Variants in ATP10A observed in about 807,000 individuals in gnomAD.
ATP10A encodes phospholipid-transporting ATPase VA.
Under a neutral mutation model 147.8 loss-of-function variants are expected in ATP10A, and 111 were observed. The ratio of observed to expected loss-of-function variants is 0.75; its 90% confidence interval spans 0.64 to 0.88. The LOEUF (loss-of-function observed/expected upper bound fraction) is 0.88, where lower values mean the gene tolerates loss of function less well. ATP10A is among the 40% of genes least tolerant of loss of function. The pLI is 0.00. For missense variants in ATP10A, 1,927 were observed against 1,959.0 expected, an observed-to-expected ratio of 0.98 and a Z score of 0.31; for synonymous variants, 875 against 841.6, an observed-to-expected ratio of 1.04 and a Z score of -0.69.
chr15:25,675,511 G>T (rs1308503459), downstream of ATP10A, among the ~76,000 whole-genome samples: 3 of 151,546 alleles, frequency 2.0e-5, no homozygotes, highest in Non-Finnish European at 4.4e-5. Flanking sequence ...CAGGGCCCGT[G>T]TAACAGCAGC....
chr15:25,683,815 G>A (rs1899559805), intron 16 of ATP10A: 1 of 346,054 alleles, frequency 2.9e-6, no homozygotes, highest in Non-Finnish European at 5.4e-6. Context: ...AGGTTTCACA[G>A]GGGTGTAGGG....
intron 15 of ATP10A, chr15:25,688,130 A>G: frequency 2.5e-6 from 1 of 401,238 alleles, no homozygotes; most frequent in South Asian, 2.4e-5. Context: ...TGTTTTCTCA[A>G]CAAATGAAAA....
chr15:25,718,228 T>C lies in ATP10A; in HGVS notation c.1535A>G (p.Lys512Arg). Residue 512 changes from lysine to arginine, a missense_variant, in exon 8 of 21, where the codon AAG (lysine) becomes AGG (arginine). By Grantham distance (26) the Lys-to-Arg change is conservative (BLOSUM62 2). Transcript: ENST00000555815. ...GTGCTTGGACAGCATGCTGGCCCTCTTGGCCTCGGCCCGGCTGCCCGTGCG... is the reference window on the plus strand; with the variant it reads ...GTGCTTGGACAGCATGCTGGCCCTCCTGGCCTCGGCCCGGCTGCCCGTGCG... ...HRRTGSRAEA[K>R]RASMLSKHTA... The C allele has an allele frequency of 6.2e-7, 1 of 1,613,116 alleles. No individual in the cohort carries two copies. Among genetic ancestry groups the C allele is most frequent in the Non-Finnish European group, 8.5e-7 (1 of 1,180,004 alleles).
At chr15:25,819,500 G>T (rs1264201686) in intron 1 of ATP10A, among the ~76,000 whole-genome samples, 1 of 151,930 alleles carries the variant, frequency 6.6e-6, no homozygotes, top group African/African-American at 2.4e-5. Context: ...ACAAATCTAT[G>T]GAAAACAATA....
intron 2 of ATP10A, among the ~76,000 whole-genome samples, chr15:25,766,235 CAT>C (rs1596843762): frequency 1.3e-5 from 2 of 152,192 alleles, no homozygotes; most frequent in East Asian, 3.9e-4. Context: ...GTTCCCACAA[CAT>C]GTGGGAATTC....
At chr15:25,799,525 C>CA (rs1266784110) in intron 1 of ATP10A, among the ~76,000 whole-genome samples, 3 of 152,002 alleles carry the variant, frequency 2.0e-5, no homozygotes, top group Non-Finnish European at 2.9e-5. Context: ...AACAAACAGA[C>CA]AAAAAAACAA....
At chr15:25,685,365 G>A (rs538764531) in intron 16 of ATP10A, among the ~76,000 whole-genome samples, 62 of 152,250 alleles carry the variant, frequency 4.1e-4, no homozygotes, top group Non-Finnish European at 7.4e-4. Flanking sequence ...GGGACTCATC[G>A]CAGCAGGCAG....
intron 1 of ATP10A, among the ~76,000 whole-genome samples, chr15:25,835,010 C>G (rs1408781686): frequency 1.3e-5 from 2 of 152,166 alleles, no homozygotes; most frequent in African/African-American, 4.8e-5. Flanking sequence ...CACCTGTAAT[C>G]CCAGCACTTT....
At chr15:25,843,055 C>T (rs181386266) in intron 1 of ATP10A, among the ~76,000 whole-genome samples, 4 of 152,294 alleles carry the variant, frequency 2.6e-5, no homozygotes, top group African/African-American at 9.6e-5. Context: ...GATCACCCTC[C>T]ATTATCCAGA....
At chr15:25,738,587 A>G (rs923095577) in intron 2 of ATP10A, 1 of 152,194 alleles carries the variant, frequency 6.6e-6, no homozygotes, top group Non-Finnish European at 1.5e-5. Flanking sequence ...TGGATGGGAG[A>G]CACAATTTAA....
chr15:25,822,285 T>C (rs942700860), intron 1 of ATP10A, among the ~76,000 whole-genome samples: 1 of 152,180 alleles, frequency 6.6e-6, no homozygotes, highest in Non-Finnish European at 1.5e-5. Flanking sequence ...TTTACAAATA[T>C]ATGTTGTAGG....
chr15:25,723,182 C>G (rs1474061978), intron 6 of ATP10A, among the ~76,000 whole-genome samples: 1 of 152,012 alleles, frequency 6.6e-6, no homozygotes, highest in African/African-American at 2.4e-5. Flanking sequence ...AACCCCATCT[C>G]TACCAAAAAT....
Position 25,846,181 on chromosome 15 carries a change from G to A in ATP10A, c.449+16467C>T, listed in dbSNP as rs573859471. On this transcript the variant is annotated intron_variant, in intron 1 of 20. Coordinates refer to ENST00000555815, the MANE Select transcript of ATP10A (RefSeq NM_024490.4). ...GGGGAAGGGGGAGTTAGTGTTTCAC[G>A]GGCACAAAGTTTCCGTTTGGGAGGA... is the stretch of plus-strand genomic sequence containing the variant. 7.2e-5 allele frequency among the ~76,000 whole-genome samples: 11 copies of A among 152,224 alleles called. No homozygotes were observed. In the South Asian group the frequency reaches 8.3e-4, roughly 12 times the overall value.
At chr15:25,726,188 G>T in intron 4 of ATP10A, 106 bp from the exon 5 acceptor site, 1 of 1,332,470 alleles carries the variant, frequency 7.5e-7, no homozygotes, top group Non-Finnish European at 1.0e-6. Flanking sequence ...GTGGTGCTTA[G>T]GTGAGAAGCT....
At chr15:25,749,693 C>T (rs80045169) in intron 2 of ATP10A, among the ~76,000 whole-genome samples, 3,271 of 152,200 alleles carry the variant, frequency 0.021, 63 homozygotes, top group Non-Finnish European at 0.032. Flanking sequence ...AGAAGAGACA[C>T]AGATGTTAGA....
chr15:25,716,777 T>C lies in ATP10A; in HGVS notation c.1729A>G (p.Ile577Val), dbSNP rs144322748. Residue 577 changes from isoleucine to valine, a missense_variant, in exon 9 of 21, where the codon ATC becomes GTC. Coordinates refer to ENST00000555815, the MANE Select transcript of ATP10A (RefSeq NM_024490.4). ...DVFDFFIALTICNTVVVTSPD... is the reference protein window; with the variant it reads ...DVFDFFIALTVCNTVVVTSPD... The stretch of plus-strand genomic sequence containing the variant: ...GACGTGACGACGACTGTGTTGCAGA[T>C]GGTGAGTGCGATGAAGAAATCAAAG... The C allele has an allele frequency of 1.6e-5, 25 of 1,606,954 alleles. No homozygotes were observed. Among genetic ancestry groups the C allele is most frequent in the Middle Eastern group, 3.3e-4 (2 of 6,062 alleles).
intron 16 of ATP10A, among the ~76,000 whole-genome samples, chr15:25,687,197 ACCAC>A (rs1899737302): frequency 4.3e-5 from 2 of 46,406 alleles, no homozygotes; most frequent in African/African-American, 4.3e-4. Flanking sequence ...CTGATCCCAG[ACCAC>A]AAAGCACACT....
intron 13 of ATP10A, among the ~76,000 whole-genome samples, chr15:25,700,006 T>C (rs988558992): frequency 6.6e-6 from 1 of 152,090 alleles, no homozygotes; most frequent in Non-Finnish European, 1.5e-5. Flanking sequence ...ACAAAGGACT[T>C]ACATACAGAA....
In ATP10A at chr15:25,777,096, C is replaced by CATGT. The variant is rs1555468162; in HGVS notation, c.654+3922_654+3923insACAT. ...GTGCATGCGTGTGTGTGCATACGTG[C>CATGT]GTGTGTGTGTGTGTGTGTGTGTACC... On this transcript the variant is annotated intron_variant, in intron 2 of 20. Coordinates refer to ENST00000555815, the MANE Select transcript of ATP10A (RefSeq NM_024490.4). 8.2e-3 allele frequency among the ~76,000 whole-genome samples: 1,223 copies of CATGT among 149,802 alleles called. 22 individuals carry two copies. Among genetic ancestry groups the CATGT allele is most frequent in the African/African-American group, 0.028 (1,124 of 40,826 alleles).
Sources: gnomAD v4.1 joint callset for allele counts (sites outside exome capture counted in the v4.1 genomes callset) on GRCh38, gnomAD v4.1.1 for gene constraint, MANE v1.5 for transcripts, NCBI Gene and HGNC (gene_info 2026-07-23, HGNC 2026-07-21) for gene names.